SLC35F1: variants seen among roughly 807,000 people sequenced by gnomAD.
SLC35F1 encodes solute carrier family 35 member F1.
A neutral mutation model predicts 48.7 loss-of-function variants in SLC35F1; 14 were observed. That is an observed-to-expected ratio of 0.29 (90% CI 0.19 to 0.45). SLC35F1 has a LOEUF of 0.45. Ranked by LOEUF, SLC35F1 falls within the 20% of genes least tolerant of loss-of-function variation. SLC35F1 has a pLI of 1.00. For synonymous variants in SLC35F1, 190 were observed against 202.2 expected (o/e 0.94, Z 0.51); for missense variants, 404 against 500.0 (o/e 0.81, Z 1.83).
chr6:118,144,426 G>A (rs1044535753), intron 1 of SLC35F1, among the ~76,000 whole-genome samples: 3 of 151,816 alleles, frequency 2.0e-5, no homozygotes, highest in South Asian at 4.2e-4. Flanking sequence ...AACACACACT[G>A]GGGCCTGCAG....
intron 7 of SLC35F1, among the ~76,000 whole-genome samples, chr6:118,287,370 T>C (rs1776064017): frequency 6.6e-6 from 1 of 152,228 alleles, no homozygotes; most frequent in African/African-American, 2.4e-5. Context: ...ATCTTGTAAT[T>C]TGCTTTATAA....
intron 6 of SLC35F1, among the ~76,000 whole-genome samples, chr6:118,283,593 C>T (rs372525982): frequency 1.5e-4 from 23 of 152,246 alleles, no homozygotes; most frequent in Admixed American, 7.8e-4. Context: ...AAAAGAAAAA[C>T]GGAAACAAGG....
intron 2 of SLC35F1, among the ~76,000 whole-genome samples, chr6:118,180,994 G>A (rs1774567846): frequency 6.6e-6 from 1 of 151,984 alleles, no homozygotes; most frequent in African/African-American, 2.4e-5. Context: ...GTAACAATTA[G>A]ACAAACAATG....
rs780106472 is a variant in SLC35F1 at position 118,314,694 on chromosome 6, AT to A, written c.*449del. The A allele has an allele frequency of 1.0e-5, 2 of 195,388 alleles. No individual in the cohort carries two copies. Among genetic ancestry groups the A allele is most frequent in the East Asian group, 1.1e-4 (1 of 9,036 alleles). The allele number at this position is 195,388 out of a possible 1,614,324, so 12.1% of individuals were successfully genotyped here. A position where few individuals can be genotyped will look rare whatever the true frequency, so the allele number is the denominator to read the frequency against. On this transcript the variant is annotated 3_prime_UTR_variant, in exon 8 of 8. Coordinates refer to ENST00000360388, the MANE Select transcript of SLC35F1 (RefSeq NM_001029858.4). ...ATTCACTTTTTAAGAGTCATACTTT[AT>A]TTTTTTGCACAGACTATATGAGTGA...
chr6:118,154,567 T>G lies in SLC35F1; in HGVS notation c.296T>G (p.Leu99Arg). 1 of 1,614,056 alleles carries G rather than the reference T, an allele frequency of 6.2e-7. No homozygotes were observed. The highest frequency in any genetic ancestry group is 2.2e-5 in the East Asian group (1 of 44,878). ...HANTPVFQSF[L>R]NYILLFLVYT... ...AACACACCAGTCTTCCAGAGTTTCC[T>G]CAATTACATTCTTCTCTTCTTGGTC... Residue 99 changes from leucine (L) to arginine (R), a missense_variant, in exon 2 of 8, where the codon CTC becomes CGC. By Grantham distance (102) the Leu-to-Arg change is moderately radical. Coordinates refer to ENST00000360388, the MANE Select transcript of SLC35F1 (RefSeq NM_001029858.4).
chr6:118,146,830 G>A (rs1365550791), intron 1 of SLC35F1, among the ~76,000 whole-genome samples: 3 of 152,036 alleles, frequency 2.0e-5, no homozygotes, highest in Non-Finnish European at 2.9e-5. Flanking sequence ...TAAACATTGC[G>A]GGTAACTTGG....
At chr6:118,210,908 T>C (rs184890834) in intron 2 of SLC35F1, among the ~76,000 whole-genome samples, 3 of 152,292 alleles carry the variant, frequency 2.0e-5, no homozygotes, top group East Asian at 3.9e-4. Context: ...ATTTATATGT[T>C]AAAATCCTAA....
intron 2 of SLC35F1, among the ~76,000 whole-genome samples, chr6:118,219,372 C>T (rs1775116328): frequency 6.6e-6 from 1 of 152,030 alleles, no homozygotes; most frequent in South Asian, 2.1e-4. Flanking sequence ...GTTACTACTA[C>T]CCAGAAGAAA....
chr6:118,051,012 G>C (rs569060012), intron 1 of SLC35F1, among the ~76,000 whole-genome samples: 1 of 152,124 alleles, frequency 6.6e-6, no homozygotes, highest in South Asian at 2.1e-4. Context: ...ATCCCCTTCT[G>C]CTATCAAATA....
At chr6:117,948,703 G>T (rs957885573) in intron 1 of SLC35F1, among the ~76,000 whole-genome samples, 2 of 152,108 alleles carry the variant, frequency 1.3e-5, no homozygotes, top group Admixed American at 1.3e-4. Context: ...CCATTCATGT[G>T]TGAATGAGCA....
chr6:117,992,258 T>C (rs1238634344), intron 1 of SLC35F1, among the ~76,000 whole-genome samples: 3 of 152,210 alleles, frequency 2.0e-5, no homozygotes, highest in Admixed American at 6.5e-5. Flanking sequence ...ATTTATGAGA[T>C]ATTTAACATC....
intron 2 of SLC35F1, among the ~76,000 whole-genome samples, chr6:118,186,180 G>C (rs1355115748): frequency 6.6e-6 from 1 of 152,008 alleles, no homozygotes; most frequent in Non-Finnish European, 1.5e-5. Flanking sequence ...TACCCTAGCT[G>C]TATCTGGAGT....
chr6:118,011,722 G>A (rs2114876793), intron 1 of SLC35F1, among the ~76,000 whole-genome samples: 1 of 152,268 alleles, frequency 6.6e-6, no homozygotes, highest in African/African-American at 2.4e-5. Context: ...CTGCTGTGCT[G>A]CCCAATTCCA....
chr6:118,023,312 G>T (rs1777421902), intron 1 of SLC35F1, among the ~76,000 whole-genome samples: 1 of 152,114 alleles, frequency 6.6e-6, no homozygotes, highest in South Asian at 2.1e-4. Context: ...TAGAGTTCAA[G>T]ATGGTGACAA....
chr6:118,068,547 C>G (rs1015010368), intron 1 of SLC35F1, among the ~76,000 whole-genome samples: 2 of 152,128 alleles, frequency 1.3e-5, no homozygotes, highest in African/African-American at 4.8e-5. Context: ...CAAAAAGAGT[C>G]TGATCTTTGC....
intron 1 of SLC35F1, among the ~76,000 whole-genome samples, chr6:118,074,878 A>T (rs1295194608): frequency 2.0e-5 from 3 of 152,196 alleles, no homozygotes; most frequent in Non-Finnish European, 4.4e-5. Context: ...TCCTGGACTC[A>T]AGCAATCTTC....
At chr6:118,154,081 C>T (rs760216115) in intron 1 of SLC35F1, among the ~76,000 whole-genome samples, 39 of 152,130 alleles carry the variant, frequency 2.6e-4, no homozygotes, top group Non-Finnish European at 5.1e-4. Context: ...TTCATTAATG[C>T]TATGGTGAGC....
At chr6:117,947,806 T>G (rs569732431) in intron 1 of SLC35F1, among the ~76,000 whole-genome samples, 1 of 152,224 alleles carries the variant, frequency 6.6e-6, no homozygotes, top group Non-Finnish European at 1.5e-5. Flanking sequence ...CAATTGAGTA[T>G]AGGAGTCTGG....
intron 2 of SLC35F1, among the ~76,000 whole-genome samples, chr6:118,181,864 TAGTTAG>T (rs1269733343): frequency 1.3e-5 from 2 of 152,188 alleles, no homozygotes; most frequent in African/African-American, 4.8e-5. Flanking sequence ...GATTAAATTT[TAGTTAG>T]AGTTAAACAA....
Sources: gnomAD v4.1 joint callset for allele counts (sites outside exome capture counted in the v4.1 genomes callset) on GRCh38, gnomAD v4.1.1 for gene constraint, MANE v1.5 for transcripts, NCBI Gene and HGNC (gene_info 2026-07-23, HGNC 2026-07-21) for gene names.